The following RAB27A variants were observed in gnomAD, a reference collection of about 807,000 sequenced individuals.
RAB27A encodes RAB27A, member RAS oncogene family, also known as ras-related protein Rab-27A.
Under a neutral mutation model 20.8 loss-of-function variants are expected in RAB27A, and 17 were observed. The observed-to-expected ratio is 0.82, with a 90% CI of 0.56 to 1.23. The LOEUF (loss-of-function observed/expected upper bound fraction) is 1.23. Among genes scored for constraint, RAB27A ranks in the 50% most tolerant of loss-of-function variants. The pLI, the probability that RAB27A is intolerant of heterozygous loss-of-function variation, is 0.00. For missense variants in RAB27A, 277 were observed against 266.7 expected, an observed-to-expected ratio of 1.04 and a Z score of -0.27; for synonymous variants, 85 against 92.8, an observed-to-expected ratio of 0.92 and a Z score of 0.48.
chr15:55,229,666 A>G (rs780960481), intron 4 of RAB27A, among the ~76,000 whole-genome samples: 7 of 151,398 alleles, frequency 4.6e-5, no homozygotes, highest in Non-Finnish European at 8.8e-5. Flanking sequence ...ACTCCGCCCA[A>G]AAAAAAAACA....
At chr15:55,279,008 A>T (rs185731862) in intron 1 of RAB27A, among the ~76,000 whole-genome samples, 3 of 152,222 alleles carry the variant, frequency 2.0e-5, no homozygotes, top group Admixed American at 6.5e-5. Flanking sequence ...AATTGCTCAC[A>T]TCTATGCACC....
At chr15:55,215,165 C>A (rs1566900629) in intron 6 of RAB27A, among the ~76,000 whole-genome samples, 1 of 152,158 alleles carries the variant, frequency 6.6e-6, no homozygotes, top group African/African-American at 2.4e-5. Context: ...TTTAAAAATT[C>A]TCTCAAAATC....
intron 3 of RAB27A, among the ~76,000 whole-genome samples, chr15:55,234,388 T>C (rs1481008795): frequency 6.6e-6 from 1 of 152,168 alleles, no homozygotes; most frequent in Non-Finnish European, 1.5e-5. Context: ...GCTGAGACTT[T>C]ATTAGGAGAA....
intron 2 of RAB27A, among the ~76,000 whole-genome samples, chr15:55,268,965 G>C (rs1011080801): frequency 6.6e-6 from 1 of 152,072 alleles, no homozygotes; most frequent in African/African-American, 2.4e-5. Context: ...CACAAGAAAG[G>C]AACTGGGATC....
At chr15:55,294,761 G>A (rs1044558857), upstream of RAB27A, among the ~76,000 whole-genome samples, 19 of 151,952 alleles carry the variant, frequency 1.3e-4, no homozygotes, top group African/African-American at 4.4e-4. Context: ...CAATCTTTAT[G>A]ACCCTGGGTT....
rs185731862 is a variant in RAB27A at position 55,279,008 on chromosome 15, A to G, written c.-142-8724T>C. Among the ~76,000 whole-genome samples, 7 of 152,340 alleles carry G rather than the reference A, an allele frequency of 4.6e-5. No individual in the cohort carries two copies. The East Asian group carries it at 1.3e-3, about 29-fold the overall frequency. ...TTACAGCCTGAAGGAAATTGCTCAC[A>G]TCTATGCACCCCACAGACAAAAGGG... On this transcript the variant is annotated intron_variant, in intron 1 of 6. Transcript: ENST00000336787.
chr15:55,315,682 T>C (rs2055040074), intron 1 of RAB27A, among the ~76,000 whole-genome samples: 1 of 152,080 alleles, frequency 6.6e-6, no homozygotes, highest in Non-Finnish European at 1.5e-5. Context: ...ATTAGAGAAA[T>C]GCAAATCAAA....
intron 2 of RAB27A, among the ~76,000 whole-genome samples, chr15:55,250,440 T>C (rs1229335021): frequency 6.6e-6 from 1 of 152,246 alleles, no homozygotes. Context: ...TTGAGAAGAC[T>C]GTACTTTGCA....
intron 5 of RAB27A, among the ~76,000 whole-genome samples, chr15:55,225,408 G>C (rs28702437): frequency 6.6e-6 from 1 of 152,138 alleles, no homozygotes; most frequent in South Asian, 2.1e-4. Flanking sequence ...GGATTAAAAT[G>C]AATTAATCCA....
At chr15:55,279,675 G>A (rs1897963343) in intron 1 of RAB27A, among the ~76,000 whole-genome samples, 1 of 152,206 alleles carries the variant, frequency 6.6e-6, no homozygotes, top group Admixed American at 6.5e-5. Context: ...CTCACACACA[G>A]TGTCTCACAT....
intron 6 of RAB27A, among the ~76,000 whole-genome samples, chr15:55,210,073 T>TACAC (rs1894913287): frequency 7.1e-6 from 1 of 141,038 alleles, no homozygotes; most frequent in Non-Finnish European, 1.5e-5. Context: ...TGTGTGTACA[T>TACAC]ATACATATAT....
At chr15:55,311,037 C>G (rs1369698655) in intron 2 of RAB27A, among the ~76,000 whole-genome samples, 4 of 152,140 alleles carry the variant, frequency 2.6e-5, no homozygotes, top group Non-Finnish European at 5.9e-5. Flanking sequence ...TATCCTGATT[C>G]TGTGTCCCAC....
At chr15:55,279,737 A>C (rs1444484743) in intron 1 of RAB27A, among the ~76,000 whole-genome samples, 3 of 152,238 alleles carry the variant, frequency 2.0e-5, no homozygotes, top group Non-Finnish European at 4.4e-5. Context: ...TGGCATTCTA[A>C]TGAAGACTTA....
At chr15:55,247,937 C>CTT (rs765207631) in intron 2 of RAB27A, among the ~76,000 whole-genome samples, 163 of 135,424 alleles carry the variant, frequency 1.2e-3, no homozygotes, top group African/African-American at 4.1e-3. Flanking sequence ...TCACTAACCA[C>CTT]TTTTTTTTTT....
At chr15:55,239,554 G>A (rs988081825) in intron 2 of RAB27A, among the ~76,000 whole-genome samples, 8 of 152,162 alleles carry the variant, frequency 5.3e-5, no homozygotes, top group Non-Finnish European at 7.3e-5. Flanking sequence ...ACTGGCATAG[G>A]AGAAGATGAC....
At position 55,239,270 on chromosome 15, in the gene RAB27A, G is replaced by C. The variant is rs570388192; in HGVS notation, c.-22-4314C>G. Among the ~76,000 whole-genome samples the C allele has an allele frequency of 3.3e-5, 5 of 152,232 alleles. No individual in the cohort carries two copies. The East Asian group carries it at 9.7e-4, about 29-fold the overall frequency. On this transcript the variant is annotated intron_variant, in intron 2 of 6. Coordinates refer to ENST00000336787, the MANE Select transcript of RAB27A (RefSeq NM_183235.3). ...GTTTTTACTGGTTTAGACCAATATA[G>C]ACTGGTTCAAAACAGTCTGAAATGT...
intron 2 of RAB27A, among the ~76,000 whole-genome samples, chr15:55,241,624 A>ATATATGTGTG (rs377301086): frequency 8.5e-5 from 10 of 117,660 alleles, no homozygotes; most frequent in African/African-American, 3.9e-4. Flanking sequence ...ATATATATAT[A>ATATATGTGTG]TGTGTGTATA....
chr15:55,226,545 T>G (rs963913382), intron 5 of RAB27A, among the ~76,000 whole-genome samples: 4 of 151,476 alleles, frequency 2.6e-5, no homozygotes, highest in Non-Finnish European at 5.9e-5. Flanking sequence ...GAGTGTGTAT[T>G]TGTGTGTATT....
intron 2 of RAB27A, among the ~76,000 whole-genome samples, chr15:55,301,721 T>C (rs1380359525): frequency 4.1e-5 from 6 of 145,414 alleles, no homozygotes. Flanking sequence ...CTTGGCTCAC[T>C]GCATCCTCCA....
Sources: allele counts gnomAD v4.1 joint callset (sites outside exome capture counted in the v4.1 genomes callset), GRCh38; gene constraint gnomAD v4.1.1; transcripts MANE v1.5; gene names NCBI Gene and HGNC (gene_info 2026-07-23, HGNC 2026-07-21).